The following PCDHA1 variants were observed in gnomAD, a reference collection of about 807,000 sequenced individuals.
PCDHA1 encodes protocadherin alpha 1.
PCDHA1 carries 42 observed loss-of-function variants against 61.3 expected under a neutral mutation model. That is an observed-to-expected ratio of 0.69 (90% CI 0.54 to 0.89). The LOEUF (loss-of-function observed/expected upper bound fraction) is 0.89, where lower values mean the gene tolerates loss of function less well. Among genes scored for constraint, PCDHA1 ranks in the 40% least tolerant of loss-of-function variants. The pLI is 0.00. For synonymous variants in PCDHA1, 610 were observed against 553.8 expected (o/e 1.10, Z -1.43); for missense variants, 1,256 against 1,235.3 (o/e 1.02, Z -0.25).
chr5:140,797,533 C>G, intron 1 of PCDHA1: 1 of 769,010 alleles, frequency 1.3e-6, no homozygotes, highest in Middle Eastern at 3.9e-4. Flanking sequence ...TTTAAACAAT[C>G]TACATAACTG....
chr5:140,922,441 A>G (rs2080844983), intron 1 of PCDHA1, among the ~76,000 whole-genome samples: 1 of 152,216 alleles, frequency 6.6e-6, no homozygotes, highest in Non-Finnish European at 1.5e-5. Flanking sequence ...GAACTCTCTC[A>G]TTATCCTATT....
chr5:140,802,582 T>C lies in PCDHA1; in HGVS notation c.2394+13898T>C. ...GCATTCTCGCAGTCCGAGTACACGGTGTTCGTGAAGGAGAACAACCCGCCG... is the reference window on the plus strand; with the variant it reads ...GCATTCTCGCAGTCCGAGTACACGGCGTTCGTGAAGGAGAACAACCCGCCG... On this transcript the variant is annotated intron_variant, in intron 1 of 3. Transcript: ENST00000504120. 5.6e-6 allele frequency: 9 copies of C among 1,613,510 alleles called. No individual in the cohort carries two copies. The highest frequency in any genetic ancestry group is 1.3e-5 in the African/African-American group (1 of 74,798).
Position 140,841,227 on chromosome 5 carries a change from G to C in PCDHA1, c.2394+52543G>C, listed in dbSNP as rs1468435006. The C allele has an allele frequency of 2.1e-6, 3 of 1,454,606 alleles. No homozygotes were observed. The African/African-American group carries it at 4.3e-5, about 21-fold the overall frequency. The allele number at this position is 1,454,606 out of a possible 1,614,324, so 90.1% of individuals were successfully genotyped here. On this transcript the variant is annotated intron_variant, in intron 1 of 3. Transcript: ENST00000504120. The stretch of plus-strand genomic sequence containing the variant: ...ATCTGTCTCTAAAGGCCGAACAACG[G>C]GAGATGCAGCGGAATTGGATTAAAA...
At chr5:140,982,041 A>C (rs1450726743) in intron 2 of PCDHA1, among the ~76,000 whole-genome samples, 2 of 152,268 alleles carry the variant, frequency 1.3e-5, no homozygotes, top group Non-Finnish European at 2.9e-5. Context: ...TCCAATTATC[A>C]GAAAATATTT....
chr5:140,949,714 T>A (rs2094416715), intron 1 of PCDHA1, among the ~76,000 whole-genome samples: 1 of 151,848 alleles, frequency 6.6e-6, no homozygotes, highest in South Asian at 2.1e-4. Flanking sequence ...TTTTACCCAT[T>A]TTGATAATAT....
intron 1 of PCDHA1, among the ~76,000 whole-genome samples, chr5:140,937,785 G>A (rs962276976): frequency 7.3e-5 from 11 of 150,436 alleles, no homozygotes; most frequent in Non-Finnish European, 1.3e-4. Flanking sequence ...GGTGGCGGGC[G>A]TATGTAGTCC....
intron 3 of PCDHA1, among the ~76,000 whole-genome samples, chr5:140,984,759 T>C (rs2097119018): frequency 6.6e-6 from 1 of 152,184 alleles, no homozygotes; most frequent in Non-Finnish European, 1.5e-5. Context: ...AGTTGAATTC[T>C]AATCCCAAGC....
chr5:140,959,642 A>G (rs1352450996), intron 1 of PCDHA1, among the ~76,000 whole-genome samples: 7 of 152,230 alleles, frequency 4.6e-5, no homozygotes, highest in African/African-American at 1.7e-4. Flanking sequence ...GAAAAAACAC[A>G]GAAGCAAAAT....
At chr5:140,870,912 C>T (rs1554164817) in intron 1 of PCDHA1, 1 of 1,613,952 alleles carries the variant, frequency 6.2e-7, no homozygotes, top group Admixed American at 1.7e-5. Flanking sequence ...CAGGCTACAA[C>T]GCGTGGCTTT....
In PCDHA1 at chr5:140,786,716, T is replaced by C. The variant is rs1171684745; in HGVS notation, c.426T>C (p.Ile142=). 1 of 1,614,076 alleles carries C rather than the reference T, an allele frequency of 6.2e-7. No individual in the cohort carries two copies. The highest frequency in any genetic ancestry group is 8.5e-7 in the Non-Finnish European group (1 of 1,180,038). The change falls in exon 1 of 4, where the codon ATT becomes ATC. Residue 142 remains isoleucine, a synonymous_variant. Transcript: ENST00000504120. ...GGGGCAGAGAACAAATAATATTTATTCCTGAATCTAGACTCCTGAATTCGC... is the reference window on the plus strand; with the variant it reads ...GGGGCAGAGAACAAATAATATTTATCCCTGAATCTAGACTCCTGAATTCGC... ...VFRGREQIIF[I]PESRLLNSRF... is the part of the protein sequence containing the mutation.
chr5:140,833,120 T>G (rs1772308754), intron 1 of PCDHA1, among the ~76,000 whole-genome samples: 3 of 152,202 alleles, frequency 2.0e-5, no homozygotes, highest in Non-Finnish European at 4.4e-5. Context: ...TCAAAGTCAT[T>G]TGAAAGCTGT....
intron 1 of PCDHA1, chr5:140,966,441 CT>C (rs1165111455): frequency 7.1e-6 from 3 of 424,684 alleles, no homozygotes; most frequent in African/African-American, 4.1e-5. Context: ...CTACCGCTCC[CT>C]TTCCCCCTCC....
intron 1 of PCDHA1, among the ~76,000 whole-genome samples, chr5:140,896,881 A>C (rs1436700773): frequency 9.9e-5 from 15 of 152,204 alleles, no homozygotes; most frequent in Non-Finnish European, 1.3e-4. Context: ...TTTATGGGGT[A>C]TATGAGACAT....
intron 1 of PCDHA1, chr5:140,966,939 TG>T: frequency 1.2e-6 from 2 of 1,604,434 alleles, no homozygotes; most frequent in Non-Finnish European, 1.7e-6. Flanking sequence ...GGCGCGCTCG[TG>T]GGCAACGTGG....
At chr5:140,928,630 G>A in intron 1 of PCDHA1, 1 of 1,614,210 alleles carries the variant, frequency 6.2e-7, no homozygotes, top group East Asian at 2.2e-5. Context: ...TGGACACTTG[G>A]TCACAAAAGT....
Position 140,834,070 on chromosome 5 carries a change from C to T in PCDHA1, c.2394+45386C>T, listed in dbSNP as rs2150213286. Among the ~76,000 whole-genome samples the T allele has an allele frequency of 2.5e-4, 38 of 152,286 alleles. No homozygotes were observed. The East Asian group carries it at 5.2e-3, about 21-fold the overall frequency. ...ATGCTTCTAACAATCATGAGAAATG[C>T]TATTTTAACCTTTAACAACAATGAA... On this transcript the variant is annotated intron_variant, in intron 1 of 3. Transcript: ENST00000504120.
intron 3 of PCDHA1, among the ~76,000 whole-genome samples, chr5:141,001,540 G>A (rs1318714170): frequency 6.6e-6 from 1 of 152,174 alleles, no homozygotes; most frequent in African/African-American, 2.4e-5. Flanking sequence ...TCCTGGACAG[G>A]ATTTGGGTTT....
chr5:140,811,692 C>T (rs1554125797), intron 1 of PCDHA1: 1 of 152,186 alleles, frequency 6.6e-6, no homozygotes, highest in East Asian at 1.9e-4. Context: ...GATTGCCATT[C>T]TAACTGGTGT....
At chr5:140,827,662 C>T (rs183255213) in intron 1 of PCDHA1, among the ~76,000 whole-genome samples, 59 of 152,266 alleles carry the variant, frequency 3.9e-4, no homozygotes, top group Admixed American at 2.4e-3. Flanking sequence ...AAAGCAGTTC[C>T]GTTAACACTT....
Sources: allele counts gnomAD v4.1 joint callset (sites outside exome capture counted in the v4.1 genomes callset), GRCh38; gene constraint gnomAD v4.1.1; transcripts MANE v1.5; gene names NCBI Gene and HGNC (gene_info 2026-07-23, HGNC 2026-07-21).